Variants in ANKRD36 observed in about 807,000 individuals in gnomAD.
The protein encoded by ANKRD36 is ankyrin repeat domain 36.
ANKRD36 carries 179 observed loss-of-function variants against 278.1 expected under a neutral mutation model. That is an observed-to-expected ratio of 0.64 (90% confidence interval 0.57 to 0.73). ANKRD36 has a LOEUF of 0.73. Among genes scored for constraint, ANKRD36 ranks in the 30% least tolerant of loss-of-function variants. The pLI, the probability that ANKRD36 is intolerant of heterozygous loss-of-function variation, is 0.00. For synonymous variants in ANKRD36, 320 were observed against 641.1 expected (o/e 0.50, Z 7.57); for missense variants, 1,159 against 1,956.7 (o/e 0.59, Z 7.69).
At chr2:97,147,715 G>T (rs888758407) in intron 11 of ANKRD36, among the ~76,000 whole-genome samples, 2 of 151,888 alleles carry the variant, frequency 1.3e-5, no homozygotes, top group African/African-American at 4.8e-5. Flanking sequence ...ATGAGCTGTT[G>T]AACCTAATGA....
rs201624814 is a variant in ANKRD36 at position 97,175,198 on chromosome 2, A to G, written c.1634-4540A>G. On this transcript the variant is annotated intron_variant, in intron 22 of 75. Coordinates refer to ENST00000420699, the MANE Select transcript of ANKRD36 (RefSeq NM_001354587.1). ...ATTGATTGGAATAGTTTCAGAAGGA[A>G]TGGTACCAGTTCCTCCTTGTACCTC... 6.6e-3 allele frequency among the ~76,000 whole-genome samples: 990 copies of G among 149,764 alleles called. 52 individuals are homozygous for G. In the East Asian group the frequency reaches 0.11, roughly 17 times the overall value.
rs1342397588 is a variant in ANKRD36 at position 97,179,855 on chromosome 2, A to C, written c.1663-6A>C. 4 of 1,604,424 alleles carry C rather than the reference A, an allele frequency of 2.5e-6. No individual in the cohort carries two copies. The highest frequency in any genetic ancestry group is 1.7e-4 in the Middle Eastern group (1 of 5,904). ...TATTGATTATTTTGCTTCAAATCCC[A>C]TTCAGGCTACAAGTGACGACAAAGA... On this transcript the variant is annotated splice_region_variant and splice_polypyrimidine_tract_variant and intron_variant, in intron 23 of 75. Transcript: ENST00000420699.
Position 97,215,766 on chromosome 2 carries a change from A to G in ANKRD36, c.3673+269A>G, listed in dbSNP as rs943188422. The stretch of plus-strand genomic sequence containing the variant: ...GCACATAACAGCCTCAGGGGACAGC[A>G]TCATTTTGCTTTAATTCTACAGCAA... On this transcript the variant is annotated intron_variant, in intron 62 of 75. Coordinates refer to ENST00000420699, the MANE Select transcript of ANKRD36 (RefSeq NM_001354587.1). 4 of 815,638 alleles carry G rather than the reference A, an allele frequency of 4.9e-6. No homozygotes were observed. The African/African-American group carries it at 7.1e-5, about 14-fold the overall frequency. 50.5% of individuals were successfully genotyped at this position (815,638 alleles called of 1,614,324 possible).
intron 22 of ANKRD36, among the ~76,000 whole-genome samples, chr2:97,177,232 C>T (rs1342226271): frequency 3.3e-5 from 5 of 151,752 alleles, no homozygotes; most frequent in African/African-American, 4.8e-5. Flanking sequence ...GAATCAATAT[C>T]GTGAAAATGG....
In ANKRD36 at chr2:97,179,984, A is replaced by G; in HGVS notation, c.1735+51A>G. The G allele has an allele frequency of 3.1e-6, 5 of 1,599,068 alleles. No homozygotes were observed. The South Asian group carries it at 4.4e-5, about 14-fold the overall frequency. On this transcript the variant is annotated intron_variant, in intron 24 of 75. Coordinates refer to ENST00000420699, the MANE Select transcript of ANKRD36 (RefSeq NM_001354587.1). Reference sequence around the variant, plus strand: ...TCATGTTCAATCAAGATGGAAGAGAACTTCCCTTACCCAAATAAATCAGTG... The same window carrying G: ...TCATGTTCAATCAAGATGGAAGAGAGCTTCCCTTACCCAAATAAATCAGTG...
chr2:97,204,606 C>T (rs1320694096), intron 50 of ANKRD36, among the ~76,000 whole-genome samples: 1 of 151,372 alleles, frequency 6.6e-6, no homozygotes, highest in Non-Finnish European at 1.5e-5. Flanking sequence ...AGAATTAACA[C>T]ACTTCAGCTC....
chr2:97,183,286 G>A (rs2924033), intron 26 of ANKRD36, among the ~76,000 whole-genome samples, 173 bp from the exon 27 acceptor site: 24 of 149,776 alleles, frequency 1.6e-4, no homozygotes, highest in East Asian at 1.2e-3. Context: ...GTGTATTCCT[G>A]TTTTCTTCAG....
At chr2:97,178,869 T>C (rs1306603061) in intron 22 of ANKRD36, among the ~76,000 whole-genome samples, 1 of 151,580 alleles carries the variant, frequency 6.6e-6, no homozygotes, top group East Asian at 1.9e-4. Context: ...GAGAATAACA[T>C]GATACTTTAA....
At chr2:97,210,616 T>A (rs1318634051) in intron 56 of ANKRD36, among the ~76,000 whole-genome samples, 3 of 151,832 alleles carry the variant, frequency 2.0e-5, no homozygotes, top group Non-Finnish European at 4.4e-5. Flanking sequence ...TTTCCTTCCT[T>A]GTTCAAGGAG....
intron 50 of ANKRD36, among the ~76,000 whole-genome samples, chr2:97,205,424 G>C (rs1473427761): frequency 3.3e-5 from 5 of 151,614 alleles, no homozygotes; most frequent in African/African-American, 1.2e-4. Context: ...ATCAATTTAG[G>C]ACACTTCCAC....
intron 14 of ANKRD36, among the ~76,000 whole-genome samples, chr2:97,154,140 G>A (rs537537308): frequency 4.8e-5 from 7 of 146,340 alleles, no homozygotes; most frequent in Non-Finnish European, 9.3e-5. Context: ...CTAGGGTGAA[G>A]AGAATCAATG....
intron 22 of ANKRD36, among the ~76,000 whole-genome samples, chr2:97,174,049 TA>T (rs2153525173): frequency 6.6e-6 from 1 of 151,422 alleles, no homozygotes; most frequent in Non-Finnish European, 1.5e-5. Flanking sequence ...CATATGTATA[TA>T]TATGTATTAT....
chr2:97,209,919 A>C, intron 56 of ANKRD36, 47 bp downstream of exon 56: 1 of 1,539,916 alleles, frequency 6.5e-7, no homozygotes, highest in Non-Finnish European at 8.7e-7. Flanking sequence ...CAGATAGGTA[A>C]GAAATTCTCT....
intron 42 of ANKRD36, among the ~76,000 whole-genome samples, chr2:97,197,623 A>C (rs2060141756): frequency 6.6e-6 from 1 of 151,954 alleles, no homozygotes; most frequent in Non-Finnish European, 1.5e-5. Context: ...CTATTTTAGA[A>C]AGAAAAATTA....
intron 6 of ANKRD36, among the ~76,000 whole-genome samples, chr2:97,128,531 G>A (rs2039214316): frequency 1.3e-5 from 2 of 151,890 alleles, no homozygotes; most frequent in Non-Finnish European, 1.5e-5. Flanking sequence ...GAGGTGTAAT[G>A]TGGGCTATTG....
chr2:97,164,646 A>G (rs1449085284), intron 20 of ANKRD36, among the ~76,000 whole-genome samples, 177 bp downstream of exon 20: 3 of 152,310 alleles, frequency 2.0e-5, no homozygotes, highest in African/African-American at 4.8e-5. Context: ...TAAGGCGGAC[A>G]TTTTACACGG....
At chr2:97,218,480 A>G (rs1272386421) in intron 64 of ANKRD36, among the ~76,000 whole-genome samples, 1 of 149,994 alleles carries the variant, frequency 6.7e-6, no homozygotes, top group Non-Finnish European at 1.5e-5. Flanking sequence ...GGCATGATAA[A>G]TAATGAATAT....
chr2:97,206,797 T>A (rs1558780693), intron 52 of ANKRD36, among the ~76,000 whole-genome samples: 3 of 151,602 alleles, frequency 2.0e-5, no homozygotes, highest in Middle Eastern at 3.4e-3. Context: ...TCCCCTTTGT[T>A]ACTATTAGGC....
At chr2:97,139,709 T>C (rs1274155434) in intron 6 of ANKRD36, among the ~76,000 whole-genome samples, 1 of 152,124 alleles carries the variant, frequency 6.6e-6, no homozygotes, top group Non-Finnish European at 1.5e-5. Flanking sequence ...GCTGTATCTC[T>C]CCCATGGCTG....
Sources: gnomAD v4.1 joint callset for allele counts (sites outside exome capture counted in the v4.1 genomes callset) on GRCh38, gnomAD v4.1.1 for gene constraint, MANE v1.5 for transcripts, NCBI Gene and HGNC (gene_info 2026-07-23, HGNC 2026-07-21) for gene names.